The following SLCO3A1 variants were observed in gnomAD, a reference collection of about 807,000 sequenced individuals.
SLCO3A1 encodes solute carrier organic anion transporter family member 3A1, also known as PGE1 transporter.
In SLCO3A1, 27 loss-of-function variants were observed where a neutral mutation model predicts 63.1. The observed-to-expected ratio is 0.43, with a 90% CI of 0.32 to 0.59. The LOEUF (loss-of-function observed/expected upper bound fraction) is 0.59. Among genes scored for constraint, SLCO3A1 ranks in the 20% least tolerant of loss-of-function variants. The pLI is 0.09. For missense variants in SLCO3A1, 773 were observed against 945.8 expected (o/e 0.82, Z 2.40); for synonymous variants, 473 against 409.9 (o/e 1.15, Z -1.86).
intron 1 of SLCO3A1, among the ~76,000 whole-genome samples, chr15:91,884,774 ATTTG>A (rs1897681473): frequency 6.6e-6 from 1 of 151,794 alleles, no homozygotes; most frequent in Admixed American, 6.6e-5. Context: ...CATTGGAATT[ATTTG>A]TTTGGATTAC....
Position 92,162,736 on chromosome 15 carries a change from C to G in SLCO3A1, c.1754-20C>G, listed in dbSNP as rs756877631. The G allele has an allele frequency of 6.3e-7, 1 of 1,597,160 alleles. No individual in the cohort carries two copies. Among genetic ancestry groups the G allele is most frequent in the Admixed American group, 1.7e-5 (1 of 58,258 alleles). On this transcript the variant is annotated intron_variant, in intron 9 of 9. Coordinates refer to ENST00000318445, the MANE Select transcript of SLCO3A1 (RefSeq NM_013272.4). ...CTGGCCACCAGATCCAGAACCTTAA[C>G]ATTCTTTTCCCGGTAACAGGCTTCA... is the stretch of plus-strand genomic sequence containing the variant.
In SLCO3A1 at chr15:91,858,549, G is replaced by A. The variant is rs958532189; in HGVS notation, c.180+4461G>A. Among the ~76,000 whole-genome samples, 7 of 152,192 alleles carry A rather than the reference G, an allele frequency of 4.6e-5. No homozygotes were observed. The East Asian group carries it at 5.8e-4, about 13-fold the overall frequency. Reference sequence around the variant, plus strand: ...AAACTGAATGAGTTGTAAAATGAGCGAGGGCTCTATCCTGCATTTTGTTAA... The same window carrying A: ...AAACTGAATGAGTTGTAAAATGAGCAAGGGCTCTATCCTGCATTTTGTTAA... On this transcript the variant is annotated intron_variant, in intron 1 of 9. Transcript: ENST00000318445.
intron 2 of SLCO3A1, among the ~76,000 whole-genome samples, chr15:92,067,207 C>G (rs1192942972): frequency 1.3e-5 from 2 of 152,170 alleles, no homozygotes; most frequent in African/African-American, 2.4e-5. Flanking sequence ...AGCCCAGAGC[C>G]CTGTACACCA....
rs1440344968 is a variant in SLCO3A1 at position 91,882,238 on chromosome 15, G to A, written c.180+28150G>A. Among the ~76,000 whole-genome samples the A allele has an allele frequency of 1.3e-5, 2 of 152,150 alleles. No individual in the cohort carries two copies. Among genetic ancestry groups the A allele is most frequent in the African/African-American group, 2.4e-5 (1 of 41,426 alleles). On this transcript the variant is annotated intron_variant, in intron 1 of 9. Transcript: ENST00000318445. This position sits in a 1 kb window ranked among gnomAD's most constrained non-coding sequence, Gnocchi z 4.4. Reference sequence around the variant, plus strand: ...GAGGACTGAAACTCAGTGTGAGGATGGGAAGTTTATGTCTCCCTTCTCAAG... The same window carrying A: ...GAGGACTGAAACTCAGTGTGAGGATAGGAAGTTTATGTCTCCCTTCTCAAG...
chr15:91,897,013 G>A lies in SLCO3A1; in HGVS notation c.181-18980G>A, dbSNP rs567106698. On this transcript the variant is annotated intron_variant, in intron 1 of 9. Transcript: ENST00000318445. The surrounding 1 kb of genome is among the most constrained non-coding windows in gnomAD (Gnocchi z 4.7). ...CTTGTAGCTCTGTGATTTTAGGAAC[G>A]ATATGTCACTTTTGTGATCTTTAGT... 2.6e-5 allele frequency among the ~76,000 whole-genome samples: 4 copies of A among 152,292 alleles called. No homozygotes were observed. The highest frequency in any genetic ancestry group is 1.9e-4 in the East Asian group (1 of 5,182).
chr15:92,066,287 G>C (rs560177812), intron 2 of SLCO3A1, among the ~76,000 whole-genome samples: 1 of 152,212 alleles, frequency 6.6e-6, no homozygotes, highest in African/African-American at 2.4e-5. Flanking sequence ...GTGACCCAAC[G>C]GAAAGAACCT....
chr15:91,987,716 C>T (rs1261875463), intron 2 of SLCO3A1, among the ~76,000 whole-genome samples: 1 of 148,316 alleles, frequency 6.7e-6, no homozygotes, highest in Non-Finnish European at 1.5e-5. Context: ...TGCACTCCAG[C>T]CTGGGCGACA....
rs765608893 is a variant in SLCO3A1, at chr15:92,067,298, T to A, written c.647-27583T>A. On this transcript the variant is annotated intron_variant, in intron 2 of 9. Coordinates refer to ENST00000318445, the MANE Select transcript of SLCO3A1 (RefSeq NM_013272.4). ...CTAGTGATGCCCCAGTGAGGCCAAG[T>A]TCGATCCCCTCCTCCCTCTGCTTCC... Among the ~76,000 whole-genome samples, 47 of 152,238 alleles carry A rather than the reference T, an allele frequency of 3.1e-4. 1 individual carries two copies. The highest frequency in any genetic ancestry group is 1.4e-3 in the Admixed American group (22 of 15,298).
intron 1 of SLCO3A1, among the ~76,000 whole-genome samples, chr15:91,911,099 G>A (rs972083520): frequency 1.3e-5 from 2 of 152,234 alleles, no homozygotes; most frequent in Admixed American, 1.3e-4. Context: ...ATAGACTGAA[G>A]CTCTCCCTTT....
At position 91,900,525 on chromosome 15, in the gene SLCO3A1, C is replaced by T. The variant is rs1260517665; in HGVS notation, c.181-15468C>T. Reference sequence around the variant, plus strand: ...TTGTATTTTCAGTAGAGACGGGTTTCACCATGTTGGCCAGGCTTGTCTCAA... The same window carrying T: ...TTGTATTTTCAGTAGAGACGGGTTTTACCATGTTGGCCAGGCTTGTCTCAA... On this transcript the variant is annotated intron_variant, in intron 1 of 9. Coordinates refer to ENST00000318445, the MANE Select transcript of SLCO3A1 (RefSeq NM_013272.4). This position sits in a 1 kb window ranked among gnomAD's most constrained non-coding sequence, Gnocchi z 4.3. Among the ~76,000 whole-genome samples the T allele has an allele frequency of 4.6e-5, 7 of 152,146 alleles. No homozygotes were observed. In the East Asian group the frequency reaches 1.2e-3, roughly 25 times the overall value.
intron 1 of SLCO3A1, among the ~76,000 whole-genome samples, chr15:91,903,475 T>G (rs1898211870): frequency 6.6e-6 from 1 of 152,202 alleles, no homozygotes; most frequent in Non-Finnish European, 1.5e-5. Flanking sequence ...ATGCTGATTT[T>G]TAGGTATTTT....
At chr15:92,056,301 C>T (rs560276142) in intron 2 of SLCO3A1, among the ~76,000 whole-genome samples, 2 of 152,246 alleles carry the variant, frequency 1.3e-5, no homozygotes, top group East Asian at 3.9e-4. Context: ...CAATTCCTTG[C>T]TGAACCATCT....
At chr15:92,052,948 A>G (rs2151498706) in intron 2 of SLCO3A1, among the ~76,000 whole-genome samples, 1 of 152,272 alleles carries the variant, frequency 6.6e-6, no homozygotes, top group East Asian at 1.9e-4. Context: ...GAAAAATTTA[A>G]ATTATATAGG....
At chr15:91,947,707 T>A (rs1276836754) in intron 2 of SLCO3A1, among the ~76,000 whole-genome samples, 1 of 152,156 alleles carries the variant, frequency 6.6e-6, no homozygotes, top group Non-Finnish European at 1.5e-5. Flanking sequence ...CCTGGAGCAA[T>A]AATAGCTGAA....
intron 2 of SLCO3A1, among the ~76,000 whole-genome samples, chr15:92,043,555 C>CT (rs769666386): frequency 6.6e-6 from 1 of 152,214 alleles, no homozygotes; most frequent in Non-Finnish European, 1.5e-5. Context: ...GCTTTGATAC[C>CT]TTTTTGTTCA....
At chr15:91,983,527 T>G (rs1207550601) in intron 2 of SLCO3A1, among the ~76,000 whole-genome samples, 1 of 152,156 alleles carries the variant, frequency 6.6e-6, no homozygotes, top group African/African-American at 2.4e-5. Context: ...CCGGACAGAT[T>G]GAGAACTGAA....
In SLCO3A1 at chr15:92,128,463, G is replaced by C. The variant is rs1453308836; in HGVS notation, c.1486G>C (p.Ala496Pro). 8.1e-6 allele frequency: 13 copies of C among 1,613,752 alleles called. No homozygotes were observed. Among genetic ancestry groups the C allele is most frequent in the Non-Finnish European group, 1.1e-5 (13 of 1,179,928 alleles). Residue 496 changes from alanine (A) to proline (P), a missense_variant, in exon 7 of 10, where the codon GCC becomes CCC. Physicochemically the swap from Ala to Pro is conservative, Grantham distance 27. This residue lies in a region of SLCO3A1 where 565 missense variants were observed against 749.8 expected (regional missense o/e 0.75). Coordinates refer to ENST00000318445, the MANE Select transcript of SLCO3A1 (RefSeq NM_013272.4). ...GGCAGATGGCATCACCTACCTGTCTGCCTGCTTTGCTGGCTGCAACAGCAC... is the reference window on the plus strand; with the variant it reads ...GGCAGATGGCATCACCTACCTGTCTCCCTGCTTTGCTGGCTGCAACAGCAC... ...CGADGITYLS[A>P]CFAGCNSTNL...
At chr15:91,960,399 G>A (rs1376256468) in intron 2 of SLCO3A1, among the ~76,000 whole-genome samples, 1 of 152,118 alleles carries the variant, frequency 6.6e-6, no homozygotes, top group African/African-American at 2.4e-5. Context: ...ATGGACATTT[G>A]GGTTGTTACC....
chr15:91,924,807 G>T (rs1898958107), intron 2 of SLCO3A1, among the ~76,000 whole-genome samples: 1 of 152,204 alleles, frequency 6.6e-6, no homozygotes, highest in Admixed American at 6.5e-5. Context: ...AGGAAGAAAA[G>T]CACGGTTCAA....
Sources: gnomAD v4.1 joint callset for allele counts (sites outside exome capture counted in the v4.1 genomes callset) on GRCh38, gnomAD v4.1.1 for gene constraint, gnomAD v4.1.1 regional missense constraint, Gnocchi (gnomAD v3.1) non-coding constraint, MANE v1.5 for transcripts, NCBI Gene and HGNC (gene_info 2026-07-23, HGNC 2026-07-21) for gene names.